KCNIP4: variants seen among roughly 807,000 people sequenced by gnomAD.
KCNIP4 encodes the protein potassium voltage-gated channel interacting protein 4.
A neutral mutation model predicts 34.0 loss-of-function variants in KCNIP4; 12 were observed. The ratio of observed to expected loss-of-function variants is 0.35; its 90% CI spans 0.23 to 0.57. The LOEUF (loss-of-function observed/expected upper bound fraction) is 0.57, where lower values mean the gene tolerates loss of function less well. Ranked by LOEUF, KCNIP4 falls within the 20% of genes least tolerant of loss-of-function variation. The pLI is 0.83. For synonymous variants in KCNIP4, 124 were observed against 102.2 expected (o/e 1.21, Z -1.29); for missense variants, 238 against 311.7 (o/e 0.76, Z 1.78).
intron 1 of KCNIP4, among the ~76,000 whole-genome samples, chr4:21,630,090 C>G (rs921859624): frequency 1.9e-4 from 28 of 150,492 alleles, no homozygotes; most frequent in Admixed American, 1.4e-3. Flanking sequence ...TCTCAAACTC[C>G]TGGGCTCAAG....
At chr4:21,609,604 C>T (rs1189634461) in intron 1 of KCNIP4, among the ~76,000 whole-genome samples, 1 of 152,026 alleles carries the variant, frequency 6.6e-6, no homozygotes, top group Non-Finnish European at 1.5e-5. Flanking sequence ...AAAATTAGAG[C>T]AACAAGTAAT....
At chr4:21,785,123 C>T (rs1411210038) in intron 1 of KCNIP4, among the ~76,000 whole-genome samples, 2 of 152,146 alleles carry the variant, frequency 1.3e-5, no homozygotes, top group East Asian at 3.8e-4. Flanking sequence ...CACTATTTAT[C>T]AGAATCACTC....
intron 1 of KCNIP4, among the ~76,000 whole-genome samples, chr4:21,485,608 A>G (rs888684988): frequency 3.3e-5 from 5 of 152,190 alleles, no homozygotes; most frequent in Admixed American, 1.3e-4. Flanking sequence ...GTCATTCATA[A>G]TTCAAGTCTC....
intron 2 of KCNIP4, among the ~76,000 whole-genome samples, chr4:20,855,774 A>G (rs1560518023): frequency 6.6e-6 from 1 of 152,190 alleles, no homozygotes; most frequent in Non-Finnish European, 1.5e-5. Flanking sequence ...TATTATAATA[A>G]CTTATCTGGA....
At chr4:21,849,432 T>C (rs1463502794) in intron 1 of KCNIP4, 1 of 152,124 alleles carries the variant, frequency 6.6e-6, no homozygotes, top group Non-Finnish European at 1.5e-5. Context: ...CAAATCAGTC[T>C]GGACATCAGA....
Position 20,861,294 on chromosome 4 carries a change from T to C in KCNIP4, c.164-10627A>G, listed in dbSNP as rs189186839. Among the ~76,000 whole-genome samples, 92 of 152,322 alleles carry C rather than the reference T, an allele frequency of 6.0e-4. 5 individuals are homozygous for C. The highest frequency in any genetic ancestry group is 5.5e-3 in the Admixed American group (84 of 15,298). On this transcript the variant is annotated intron_variant, in intron 2 of 8. Coordinates refer to ENST00000382152, the MANE Select transcript of KCNIP4 (RefSeq NM_025221.6). ...AGAATGCAGAGGTCTGGGAACTCCT[T>C]TGACTTTTCCTGTCTTTATTACTAT...
At chr4:21,198,724 G>A (rs1010090644) in intron 1 of KCNIP4, among the ~76,000 whole-genome samples, 3 of 152,176 alleles carry the variant, frequency 2.0e-5, no homozygotes, top group Non-Finnish European at 1.5e-5. Context: ...TGTGCATCAT[G>A]TGGCACCTGG....
Position 20,749,671 on chromosome 4 carries a change from C to T in KCNIP4, c.420G>A (p.Val140=). The change falls in exon 5 of 9, where the codon GTG becomes GTA. Residue 140 remains valine, a synonymous_variant. Transcript: ENST00000382152. ...ATAATCCAGAGCTTACCTCGAAACTCACAGCTCCATTGTGGTCTGTATCAA... is the reference window on the plus strand; with the variant it reads ...ATAATCCAGAGCTTACCTCGAAACTTACAGCTCCATTGTGGTCTGTATCAA... ...NAFDTDHNGA[V]SFEDFIKGLS... 6.2e-7 allele frequency: 1 copy of T among 1,603,784 alleles called. No individual in the cohort carries two copies. Among genetic ancestry groups the T allele is most frequent in the Middle Eastern group, 1.7e-4 (1 of 6,004 alleles).
intron 1 of KCNIP4, among the ~76,000 whole-genome samples, chr4:21,829,584 T>A (rs1169487296): frequency 6.6e-6 from 1 of 151,840 alleles, no homozygotes; most frequent in Non-Finnish European, 1.5e-5. Context: ...GCACAAATAA[T>A]ATAGAAAAAA....
intron 1 of KCNIP4, among the ~76,000 whole-genome samples, chr4:21,666,885 A>G (rs1408121915): frequency 6.6e-6 from 1 of 152,208 alleles, no homozygotes; most frequent in African/African-American, 2.4e-5. Context: ...CCTTTCTTCA[A>G]CTTCAGACCT....
At chr4:21,911,013 A>C (rs2108982001) in intron 1 of KCNIP4, among the ~76,000 whole-genome samples, 1 of 152,262 alleles carries the variant, frequency 6.6e-6, no homozygotes, top group East Asian at 1.9e-4. Flanking sequence ...CTTATTTTTT[A>C]TTGACTGTTT....
chr4:21,388,140 A>C (rs1056465442), intron 1 of KCNIP4, among the ~76,000 whole-genome samples: 4 of 152,214 alleles, frequency 2.6e-5, no homozygotes, highest in Non-Finnish European at 4.4e-5. Context: ...GAAAGAAAGA[A>C]TGAGGGAAGC....
At chr4:21,287,654 G>A (rs998576715) in intron 1 of KCNIP4, among the ~76,000 whole-genome samples, 1 of 152,092 alleles carries the variant, frequency 6.6e-6, no homozygotes, top group African/African-American at 2.4e-5. Flanking sequence ...GATACCAAGT[G>A]TTTTTCTACA....
intron 1 of KCNIP4, among the ~76,000 whole-genome samples, chr4:21,772,869 G>C (rs146416134): frequency 2.0e-5 from 3 of 152,058 alleles, no homozygotes; most frequent in African/African-American, 4.8e-5. Context: ...CAAAAAACTA[G>C]CTCCTGGATT....
intron 1 of KCNIP4, among the ~76,000 whole-genome samples, chr4:21,070,642 T>C (rs891726479): frequency 2.0e-5 from 3 of 151,252 alleles, no homozygotes; most frequent in Admixed American, 2.0e-4. Context: ...GAATTGTCTG[T>C]TTTTACTGTT....
In KCNIP4 at chr4:20,999,897, C is replaced by T. The variant is rs150438440; in HGVS notation, c.62-117188G>A. ...TGAAACAAGAAGGAAACAGAACATGCACGTTGCAACTTAGAATTTTCTGGT... is the reference window on the plus strand; with the variant it reads ...TGAAACAAGAAGGAAACAGAACATGTACGTTGCAACTTAGAATTTTCTGGT... On this transcript the variant is annotated intron_variant, in intron 1 of 8. Coordinates refer to ENST00000382152, the MANE Select transcript of KCNIP4 (RefSeq NM_025221.6). 9.2e-5 allele frequency among the ~76,000 whole-genome samples: 14 copies of T among 152,244 alleles called. No homozygotes were observed. In the East Asian group the frequency reaches 2.7e-3, roughly 29 times the overall value.
At chr4:21,468,763 A>C (rs1730205073) in intron 1 of KCNIP4, among the ~76,000 whole-genome samples, 1 of 152,164 alleles carries the variant, frequency 6.6e-6, no homozygotes, top group African/African-American at 2.4e-5. Flanking sequence ...CTGGCTGACA[A>C]ATCTAATCAA....
At chr4:21,884,199 C>G (rs1418250196) in intron 1 of KCNIP4, among the ~76,000 whole-genome samples, 1 of 152,088 alleles carries the variant, frequency 6.6e-6, no homozygotes, top group African/African-American at 2.4e-5. Context: ...TAAGTACTTC[C>G]TATTTGCTGG....
At chr4:21,031,785 C>T (rs1297577423) in intron 1 of KCNIP4, among the ~76,000 whole-genome samples, 5 of 152,264 alleles carry the variant, frequency 3.3e-5, no homozygotes, top group Admixed American at 1.3e-4. Flanking sequence ...CTGGTCCCTC[C>T]GGCCAACTCT....
Sources: gnomAD v4.1 joint callset for allele counts (sites outside exome capture counted in the v4.1 genomes callset) on GRCh38, gnomAD v4.1.1 for gene constraint, MANE v1.5 for transcripts, NCBI Gene and HGNC (gene_info 2026-07-23, HGNC 2026-07-21) for gene names.